ABTB3: variants seen among roughly 807,000 people sequenced by gnomAD.
ABTB3 encodes ankyrin repeat- and BTB/POZ domain-containing protein 3.
At chr12:107,559,648 G>C in the ABTB3 span, among the ~76,000 whole-genome samples, 309 of 152,316 alleles carry the variant, frequency 2.0e-3, 3 homozygotes, top group African/African-American at 7.2e-3. Flanking sequence ...AGTAGCCCCG[G>C]CAGTAAATTT....
At chr12:107,455,354 C>T in the ABTB3 span, among the ~76,000 whole-genome samples, 12 of 152,130 alleles carry the variant, frequency 7.9e-5, no homozygotes, top group Non-Finnish European at 1.6e-4. Flanking sequence ...TATCTCTGTG[C>T]TGTCGCCCAT....
At chr12:107,424,520 A>G in the ABTB3 span, among the ~76,000 whole-genome samples, 2 of 152,364 alleles carry the variant, frequency 1.3e-5, no homozygotes, top group East Asian at 3.9e-4. Context: ...GGAATCAGCC[A>G]AGGATGGGTT....
At chr12:107,600,521 A>G in the ABTB3 span, among the ~76,000 whole-genome samples, 2 of 152,192 alleles carry the variant, frequency 1.3e-5, no homozygotes, top group Non-Finnish European at 2.9e-5. Flanking sequence ...ATGGAGCCAT[A>G]GTGTAACCCA....
At chr12:107,481,883 G>GTCTCTCTCTCTCTCTCTCTCTCTCTC in the ABTB3 span, among the ~76,000 whole-genome samples, 14 of 108,236 alleles carry the variant, frequency 1.3e-4, no homozygotes, top group Non-Finnish European at 1.8e-4. Flanking sequence ...GAAATCAAGA[G>GTCTCTCTCTCTCTCTCTCTCTCTCTC]TCTCTCTCTC....
At chr12:107,525,493 T>C in the ABTB3 span, among the ~76,000 whole-genome samples, 4 of 152,206 alleles carry the variant, frequency 2.6e-5, no homozygotes, top group African/African-American at 9.7e-5. Flanking sequence ...ACACATACTG[T>C]ACAGGTTTGT....
At chr12:107,419,150 T>C in the ABTB3 span, among the ~76,000 whole-genome samples, 1 of 152,256 alleles carries the variant, frequency 6.6e-6, no homozygotes, top group Non-Finnish European at 1.5e-5. Context: ...CATGATCACA[T>C]GATGGGCCAG....
At chr12:107,400,862 C>T in the ABTB3 span, among the ~76,000 whole-genome samples, 3 of 152,140 alleles carry the variant, frequency 2.0e-5, no homozygotes, top group Non-Finnish European at 2.9e-5. Flanking sequence ...GGAAAATGGA[C>T]TGGCAGTGAA....
At chr12:107,618,202 G>C in the ABTB3 span, 8 of 1,614,152 alleles carry the variant, frequency 5.0e-6, no homozygotes, top group Non-Finnish European at 6.8e-6. Flanking sequence ...AAGGAGAAGA[G>C]TGATATCCTG....
chr12:107,647,498 C>T, the ABTB3 span, among the ~76,000 whole-genome samples: 18 of 152,236 alleles, frequency 1.2e-4, no homozygotes, highest in African/African-American at 3.6e-4. Context: ...GAATGAGACC[C>T]TGTCTAAAAT....
At chr12:107,536,616 C>T in the ABTB3 span, among the ~76,000 whole-genome samples, 1 of 152,052 alleles carries the variant, frequency 6.6e-6, no homozygotes, top group Non-Finnish European at 1.5e-5. Context: ...AAGTAGCCAA[C>T]AAGTATATTT....
At chr12:107,550,900 A>T in the ABTB3 span, among the ~76,000 whole-genome samples, 10 of 152,104 alleles carry the variant, frequency 6.6e-5, no homozygotes, top group African/African-American at 2.4e-4. Flanking sequence ...ATTTACTTTT[A>T]AAAAAATAAA....
chr12:107,434,064 T>G, the ABTB3 span, among the ~76,000 whole-genome samples: 1 of 152,196 alleles, frequency 6.6e-6, no homozygotes, highest in Non-Finnish European at 1.5e-5. Context: ...ACCATCACAT[T>G]GTGGGTTAGA....
chr12:107,475,029 A>G, the ABTB3 span, among the ~76,000 whole-genome samples: 1 of 152,126 alleles, frequency 6.6e-6, no homozygotes, highest in East Asian at 1.9e-4. Context: ...CTCTCCCAGT[A>G]CTGAGTCTGC....
the ABTB3 span, among the ~76,000 whole-genome samples, chr12:107,607,617 T>C: frequency 2.7e-3 from 417 of 152,224 alleles, 4 homozygotes; most frequent in African/African-American, 9.1e-3. Flanking sequence ...CTGAGACAGG[T>C]GTGCAGATCA....
the ABTB3 span, among the ~76,000 whole-genome samples, chr12:107,577,206 C>T: frequency 3.0e-4 from 45 of 152,184 alleles, no homozygotes; most frequent in African/African-American, 1.0e-3. Context: ...GCCTAACATA[C>T]TTACTAGTTA....
At chr12:107,457,972 T>C in the ABTB3 span, among the ~76,000 whole-genome samples, 8 of 152,236 alleles carry the variant, frequency 5.3e-5, no homozygotes, top group African/African-American at 1.9e-4. Flanking sequence ...AGTTTCTTCC[T>C]TTGTAAAATA....
At chr12:107,566,310 G>C in the ABTB3 span, among the ~76,000 whole-genome samples, 1 of 151,500 alleles carries the variant, frequency 6.6e-6, no homozygotes, top group Non-Finnish European at 1.5e-5. Context: ...CTCTTTCTAC[G>C]TGGTGTCATT....
the ABTB3 span, among the ~76,000 whole-genome samples, chr12:107,497,938 T>C: frequency 6.6e-6 from 1 of 152,242 alleles, no homozygotes; most frequent in South Asian, 2.1e-4. Flanking sequence ...CCTCTCCTTT[T>C]TTCCCATGTC....
the ABTB3 span, among the ~76,000 whole-genome samples, chr12:107,585,239 C>A: frequency 6.6e-6 from 1 of 152,112 alleles, no homozygotes; most frequent in Non-Finnish European, 1.5e-5. Flanking sequence ...GATTTGGGGG[C>A]TGTTTGAGCC....
Sources: allele counts gnomAD v4.1 joint callset (sites outside exome capture counted in the v4.1 genomes callset), GRCh38; gene constraint gnomAD v4.1.1; transcripts MANE v1.5; gene names NCBI Gene and HGNC (gene_info 2026-07-23, HGNC 2026-07-21).